Variants in FRMPD1 observed in about 807,000 individuals in gnomAD.
FRMPD1 encodes the protein FERM and PDZ domain-containing protein 1.
In FRMPD1, 76 loss-of-function variants were observed where a neutral mutation model predicts 117.8. The observed-to-expected ratio is 0.65, with a 90% CI of 0.54 to 0.78. FRMPD1 has a LOEUF of 0.78. FRMPD1 is among the 30% of genes least tolerant of loss of function. The probability of loss-of-function intolerance (pLI) is 0.00; values close to 1 mark genes in which losing one functional copy is unlikely to be tolerated. For synonymous variants in FRMPD1, 783 were observed against 770.4 expected (o/e 1.02, Z -0.27); for missense variants, 1,786 against 1,964.5 (o/e 0.91, Z 1.72).
chr9:37,688,407 AT>A (rs1290489592), intron 1 of FRMPD1, among the ~76,000 whole-genome samples: 2 of 151,582 alleles, frequency 1.3e-5, no homozygotes, highest in Non-Finnish European at 2.9e-5. Flanking sequence ...CTACTGGCAA[AT>A]TTTTTTTAAG....
At chr9:37,653,738 A>G (rs932646787) in intron 1 of FRMPD1, among the ~76,000 whole-genome samples, 4 of 152,246 alleles carry the variant, frequency 2.6e-5, no homozygotes, top group Admixed American at 1.3e-4. Flanking sequence ...TTAGATTTGC[A>G]GTGGTCAAAG....
At chr9:37,667,862 G>A (rs1288143772) in intron 1 of FRMPD1, 2 of 152,310 alleles carry the variant, frequency 1.3e-5, no homozygotes, top group African/African-American at 4.8e-5. Flanking sequence ...GTGGCAGGCT[G>A]TGTGAGGCTG....
Position 37,733,798 on chromosome 9 carries a change from T to C in FRMPD1, c.1191T>C (p.Gly397=). ...LQILGELKTY[G]GRIFNATLML... is the part of the protein sequence containing the mutation. ...TCCTCGGAGAACTCAAGACATATGG[T>C]GGAAGAATCTTTAATGCTACTTTAA... The change falls in exon 12 of 16, where the codon GGT becomes GGC. Residue 397 remains glycine, a synonymous_variant. Transcript: ENST00000377765. 1 of 1,588,658 alleles carries C rather than the reference T, an allele frequency of 6.3e-7. No homozygotes were observed. The highest frequency in any genetic ancestry group is 8.6e-7 in the Non-Finnish European group (1 of 1,156,930).
the FRMPD1 span, among the ~76,000 whole-genome samples, chr9:37,607,238 C>T: frequency 6.6e-6 from 1 of 152,200 alleles, no homozygotes; most frequent in Admixed American, 6.5e-5. Context: ...ATCACTTGAA[C>T]CCGAGAGGCG....
the FRMPD1 span, among the ~76,000 whole-genome samples, chr9:37,645,270 AAT>A: frequency 6.6e-6 from 1 of 152,344 alleles, no homozygotes; most frequent in South Asian, 2.1e-4. Context: ...AAAGAGCTTG[AAT>A]ATTTTTTAAA....
At chr9:37,609,345 A>G in the FRMPD1 span, among the ~76,000 whole-genome samples, 1 of 151,850 alleles carries the variant, frequency 6.6e-6, no homozygotes, top group South Asian at 2.1e-4. Flanking sequence ...TTGGCTCCTA[A>G]TATTCCCTTC....
At chr9:37,711,284 T>C in intron 4 of FRMPD1, 66 bp from the exon 5 acceptor site, 1 of 972,774 alleles carries the variant, frequency 1.0e-6, no homozygotes, top group Non-Finnish European at 1.7e-6. Flanking sequence ...CACACATGTA[T>C]GCATGCACGT....
intron 12 of FRMPD1, among the ~76,000 whole-genome samples, chr9:37,734,508 T>C (rs1438049594): frequency 2.0e-5 from 3 of 151,812 alleles, no homozygotes; most frequent in African/African-American, 7.3e-5. Flanking sequence ...AGTCAGTGTC[T>C]CGGGGGTATG....
intron 2 of FRMPD1, among the ~76,000 whole-genome samples, chr9:37,694,189 G>A (rs1257396608): frequency 6.6e-6 from 1 of 152,204 alleles, no homozygotes; most frequent in African/African-American, 2.4e-5. Context: ...AGTCCTGTGT[G>A]ATGCTGCTCC....
chr9:37,635,625 A>G, the FRMPD1 span, among the ~76,000 whole-genome samples: 1 of 152,216 alleles, frequency 6.6e-6, no homozygotes, highest in Non-Finnish European at 1.5e-5. Context: ...GCTGGAGGGC[A>G]GGGCACAGGT....
At chr9:37,646,962 G>T (rs984258388), upstream of FRMPD1, among the ~76,000 whole-genome samples, 1 of 152,114 alleles carries the variant, frequency 6.6e-6, no homozygotes, top group Non-Finnish European at 1.5e-5. Context: ...TAGCTGAAAT[G>T]GTACTTATGG....
chr9:37,692,559 G>A (rs999518518), intron 1 of FRMPD1, 79 bp from the exon 2 acceptor site: 33 of 921,354 alleles, frequency 3.6e-5, no homozygotes, highest in Non-Finnish European at 5.6e-5. Flanking sequence ...GGCAAATAAA[G>A]GAAGCATCGT....
At chr9:37,615,546 TCTCTA>T in the FRMPD1 span, among the ~76,000 whole-genome samples, 2 of 152,156 alleles carry the variant, frequency 1.3e-5, no homozygotes, top group African/African-American at 2.4e-5. Flanking sequence ...ACTTAGCAAA[TCTCTA>T]CTCTAATACA....
chr9:37,734,259 G>A (rs1824022891), intron 12 of FRMPD1, among the ~76,000 whole-genome samples: 1 of 152,186 alleles, frequency 6.6e-6, no homozygotes, highest in African/African-American at 2.4e-5. Context: ...TGGGTCAGAA[G>A]GGGATGGTAA....
chr9:37,708,331 G>A, intron 3 of FRMPD1, 68 bp from the exon 4 acceptor site: 1 of 918,526 alleles, frequency 1.1e-6, no homozygotes, highest in South Asian at 1.4e-5. Context: ...ATTTAACTGT[G>A]CCGCTATTAC....
chr9:37,682,073 G>C (rs1821748615), intron 1 of FRMPD1, among the ~76,000 whole-genome samples: 1 of 152,218 alleles, frequency 6.6e-6, no homozygotes, highest in African/African-American at 2.4e-5. Flanking sequence ...GTCCTAGAAA[G>C]TGGGAGAGAT....
intron 1 of FRMPD1, among the ~76,000 whole-genome samples, chr9:37,671,731 C>T (rs888963900): frequency 3.9e-5 from 6 of 151,990 alleles, no homozygotes; most frequent in African/African-American, 7.3e-5. Flanking sequence ...TTTGGGAGGC[C>T]GAGGCGGGTG....
intron 1 of FRMPD1, among the ~76,000 whole-genome samples, chr9:37,676,547 C>A (rs544425599): frequency 1.3e-5 from 2 of 152,168 alleles, no homozygotes; most frequent in Non-Finnish European, 2.9e-5. Flanking sequence ...TGGCTGCCAC[C>A]TCCTAACAGC....
At chr9:37,720,751 GT>G (rs1287319438) in intron 6 of FRMPD1, among the ~76,000 whole-genome samples, 2 of 151,254 alleles carry the variant, frequency 1.3e-5, no homozygotes, top group East Asian at 3.9e-4. Flanking sequence ...GCTGGGCATG[GT>G]TGTGCGTGCC....
Sources: gnomAD v4.1 joint callset for allele counts (sites outside exome capture counted in the v4.1 genomes callset) on GRCh38, gnomAD v4.1.1 for gene constraint, MANE v1.5 for transcripts, NCBI Gene and HGNC (gene_info 2026-07-23, HGNC 2026-07-21) for gene names.